The following PCDH7 variants were observed in gnomAD, a reference collection of about 807,000 sequenced individuals.
PCDH7 encodes the protein protocadherin 7.
In PCDH7, 17 loss-of-function variants were observed where a neutral mutation model predicts 58.9. The observed-to-expected ratio is 0.29, with a 90% confidence interval of 0.20 to 0.43. PCDH7 has a LOEUF of 0.43. Ranked by LOEUF, PCDH7 falls within the 20% of genes least tolerant of loss-of-function variation. The pLI is 1.00. For missense variants in PCDH7, 1,274 were observed against 1,441.0 expected, an observed-to-expected ratio of 0.88 and a Z score of 1.88; for synonymous variants, 664 against 616.4, an observed-to-expected ratio of 1.08 and a Z score of -1.14.
chr4:30,958,866 A>G (rs1748115944), intron 3 of PCDH7, among the ~76,000 whole-genome samples: 1 of 152,126 alleles, frequency 6.6e-6, no homozygotes. Flanking sequence ...GAAAATAAAA[A>G]GTATTATGAA....
intron 1 of PCDH7, among the ~76,000 whole-genome samples, chr4:30,893,379 A>G (rs991324813): frequency 2.6e-5 from 4 of 152,114 alleles, no homozygotes; most frequent in Non-Finnish European, 5.9e-5. Flanking sequence ...AAGAGAAGTT[A>G]CAGAACTATA....
intron 1 of PCDH7, among the ~76,000 whole-genome samples, chr4:30,764,324 A>C (rs1318043816): frequency 6.6e-6 from 1 of 152,172 alleles, no homozygotes; most frequent in Admixed American, 6.5e-5. Flanking sequence ...GTTTAACCAC[A>C]CAAATGGTTA....
intron 1 of PCDH7, among the ~76,000 whole-genome samples, chr4:30,835,165 A>T (rs1238712797): frequency 2.0e-5 from 3 of 152,048 alleles, no homozygotes; most frequent in Non-Finnish European, 4.4e-5. Context: ...TATTAGTAAG[A>T]ATAATAAAGT....
chr4:30,945,800 C>T (rs1382087264), intron 2 of PCDH7, among the ~76,000 whole-genome samples: 2 of 152,020 alleles, frequency 1.3e-5, no homozygotes, highest in Non-Finnish European at 2.9e-5. Context: ...CAAAGGTTTC[C>T]AGATTCCTTC....
rs142820966 is a variant in PCDH7, at chr4:31,134,197, C to T, written c.*8-8276C>T. On this transcript the variant is annotated intron_variant, in intron 3 of 3. Transcript: ENST00000509759. Reference sequence around the variant, plus strand: ...GTAGAATGGGCCAGGCACGGTGGCTCATGCCTGTAATCCCAGCACTTTGGA... The same window carrying T: ...GTAGAATGGGCCAGGCACGGTGGCTTATGCCTGTAATCCCAGCACTTTGGA... Among the ~76,000 whole-genome samples the T allele has an allele frequency of 3.9e-5, 6 of 152,268 alleles. No individual in the cohort carries two copies. The South Asian group carries it at 1.0e-3, about 26-fold the overall frequency.
intron 3 of PCDH7, among the ~76,000 whole-genome samples, chr4:31,119,950 T>G (rs948344953): frequency 4.7e-5 from 7 of 150,112 alleles, no homozygotes; most frequent in Non-Finnish European, 1.0e-4. Flanking sequence ...AGTTTCAGGT[T>G]TTTTTTTTTT....
At chr4:31,102,057 G>A (rs901701437) in intron 3 of PCDH7, among the ~76,000 whole-genome samples, 2 of 152,158 alleles carry the variant, frequency 1.3e-5, no homozygotes, top group African/African-American at 4.8e-5. Flanking sequence ...CAGTAACAGA[G>A]AGTGATTTAA....
At chr4:30,928,039 A>T (rs1182748046) in intron 2 of PCDH7, among the ~76,000 whole-genome samples, 2 of 152,124 alleles carry the variant, frequency 1.3e-5, no homozygotes, top group Non-Finnish European at 2.9e-5. Flanking sequence ...GCAGTGGCAC[A>T]TTCTTGGCTC....
intron 3 of PCDH7, among the ~76,000 whole-genome samples, chr4:31,079,165 G>A (rs990638138): frequency 6.7e-6 from 1 of 150,090 alleles, no homozygotes; most frequent in Non-Finnish European, 1.5e-5. Context: ...TGCCAAACAA[G>A]ACACTAAAAG....
intron 3 of PCDH7, among the ~76,000 whole-genome samples, chr4:31,019,203 G>A (rs1041451171): frequency 2.6e-5 from 4 of 151,624 alleles, no homozygotes; most frequent in African/African-American, 9.7e-5. Context: ...TATATATGTG[G>A]GCATAGTTAC....
At chr4:31,071,111 T>C (rs534204080) in intron 3 of PCDH7, among the ~76,000 whole-genome samples, 2 of 152,190 alleles carry the variant, frequency 1.3e-5, no homozygotes, top group African/African-American at 4.8e-5. Context: ...AGTTGATAAA[T>C]GGTCTTTGAC....
At chr4:30,976,153 AT>A (rs1578466814) in intron 3 of PCDH7, among the ~76,000 whole-genome samples, 1 of 151,944 alleles carries the variant, frequency 6.6e-6, no homozygotes, top group Non-Finnish European at 1.5e-5. Context: ...TTTTATTTTT[AT>A]TTTTGTTTTT....
At chr4:30,800,893 T>C (rs1725451019) in intron 1 of PCDH7, among the ~76,000 whole-genome samples, 1 of 152,242 alleles carries the variant, frequency 6.6e-6, no homozygotes, top group South Asian at 2.1e-4. Flanking sequence ...GTATTTATCC[T>C]ATAAACATTT....
At chr4:31,060,831 T>C (rs1757632427) in intron 3 of PCDH7, among the ~76,000 whole-genome samples, 1 of 151,736 alleles carries the variant, frequency 6.6e-6, no homozygotes, top group African/African-American at 2.4e-5. Flanking sequence ...ATGATAAATA[T>C]TATTTATTGA....
chr4:31,071,623 G>A lies in PCDH7; in HGVS notation c.*8-70850G>A, dbSNP rs11942386. On this transcript the variant is annotated intron_variant, in intron 3 of 3. Transcript: ENST00000509759. ...AATTCATTAGTGATAAAATAATGGGGTAAGTCAGCAGAGAAAGCTCAATTC... is the reference window on the plus strand; with the variant it reads ...AATTCATTAGTGATAAAATAATGGGATAAGTCAGCAGAGAAAGCTCAATTC... 2.1e-3 allele frequency among the ~76,000 whole-genome samples: 319 copies of A among 152,068 alleles called. 2 individuals are homozygous for A. Among genetic ancestry groups the A allele is most frequent in the African/African-American group, 6.9e-3 (287 of 41,520 alleles).
In PCDH7 at chr4:30,882,220, C is replaced by T. The variant is rs191001205; in HGVS notation, c.71-37933C>T. ...CTTCCTCCTCCTCTTCCTTTTAACT[C>T]CTCCTCCTCCTCCTCTTCTTCTTCA... On this transcript the variant is annotated intron_variant, in intron 1 of 3. Coordinates refer to the PCDH7 transcript ENST00000509759. 3.3e-4 allele frequency among the ~76,000 whole-genome samples: 50 copies of T among 150,472 alleles called. No homozygotes were observed. In the East Asian group the frequency reaches 9.6e-3, roughly 29 times the overall value.
At chr4:30,862,080 G>A (rs1394986855) in intron 1 of PCDH7, among the ~76,000 whole-genome samples, 1 of 152,130 alleles carries the variant, frequency 6.6e-6, no homozygotes, top group Admixed American at 6.6e-5. Context: ...AGAAACTGAG[G>A]TCAAGATCAA....
intron 2 of PCDH7, among the ~76,000 whole-genome samples, chr4:30,927,858 A>T (rs1050744327): frequency 2.0e-5 from 3 of 151,910 alleles, no homozygotes; most frequent in Non-Finnish European, 2.9e-5. Context: ...ATCAATAAAA[A>T]AAACCAAAAA....
chr4:30,756,054 G>C (rs909699141), intron 1 of PCDH7, among the ~76,000 whole-genome samples: 7 of 152,178 alleles, frequency 4.6e-5, no homozygotes, highest in African/African-American at 1.7e-4. Context: ...ACTCCAGCCT[G>C]GTGACAGAGT....
Sources: allele counts gnomAD v4.1 joint callset (sites outside exome capture counted in the v4.1 genomes callset), GRCh38; gene constraint gnomAD v4.1.1; transcripts MANE v1.5; gene names NCBI Gene and HGNC (gene_info 2026-07-23, HGNC 2026-07-21).